The following BRINP3 variants were observed in gnomAD, a reference collection of about 807,000 sequenced individuals.
BRINP3 encodes the protein BMP/retinoic acid inducible neural specific 3.
Under a neutral mutation model 71.0 loss-of-function variants are expected in BRINP3, and 19 were observed. That is an observed-to-expected ratio of 0.27 (90% CI 0.19 to 0.39). The LOEUF is 0.39. Ranked by LOEUF, BRINP3 falls within the 10% of genes least tolerant of loss-of-function variation. The pLI, the probability that BRINP3 is intolerant of heterozygous loss-of-function variation, is 1.00. For missense variants in BRINP3, 959 were observed against 940.8 expected (o/e 1.02, Z -0.25); for synonymous variants, 380 against 337.7 (o/e 1.13, Z -1.37).
intron 1 of BRINP3, among the ~76,000 whole-genome samples, chr1:190,456,489 G>C (rs536055695): frequency 1.1e-4 from 17 of 152,022 alleles, no homozygotes; most frequent in Non-Finnish European, 2.4e-4. Context: ...GGAGATTCTA[G>C]GCTTTTTTCT....
chr1:190,434,562 A>C (rs894614912), intron 2 of BRINP3, among the ~76,000 whole-genome samples: 4 of 151,992 alleles, frequency 2.6e-5, no homozygotes, highest in African/African-American at 9.7e-5. Flanking sequence ...ATTACACTAT[A>C]GACATTAAAG....
intron 7 of BRINP3, among the ~76,000 whole-genome samples, chr1:190,149,414 A>G (rs1656187479): frequency 6.6e-6 from 1 of 152,164 alleles, no homozygotes; most frequent in Non-Finnish European, 1.5e-5. Context: ...TTGCATATTG[A>G]TGAATGATTT....
intron 2 of BRINP3, among the ~76,000 whole-genome samples, chr1:190,405,892 T>A (rs1026957386): frequency 3.3e-5 from 5 of 152,184 alleles, no homozygotes; most frequent in Non-Finnish European, 7.4e-5. Context: ...GTCAGCCACA[T>A]CAATGTGTTA....
intron 2 of BRINP3, among the ~76,000 whole-genome samples, chr1:190,426,021 T>C (rs1364128525): frequency 2.0e-5 from 3 of 151,848 alleles, no homozygotes; most frequent in Admixed American, 1.3e-4. Context: ...AGTTCTGCAA[T>C]TATATTTTGA....
chr1:190,129,032 T>G (rs1350647083), intron 7 of BRINP3, among the ~76,000 whole-genome samples: 1 of 151,838 alleles, frequency 6.6e-6, no homozygotes, highest in East Asian at 1.9e-4. Flanking sequence ...AAGTCTACCA[T>G]GTATATACAC....
At chr1:190,418,818 C>G (rs1673172048) in intron 2 of BRINP3, among the ~76,000 whole-genome samples, 1 of 151,908 alleles carries the variant, frequency 6.6e-6, no homozygotes, top group African/African-American at 2.4e-5. Flanking sequence ...CATAACCCAG[C>G]TATAATTTAA....
chr1:190,109,664 A>C (rs1192897681), intron 7 of BRINP3, among the ~76,000 whole-genome samples: 1 of 152,250 alleles, frequency 6.6e-6, no homozygotes, highest in Non-Finnish European at 1.5e-5. Flanking sequence ...GACACCTTCT[A>C]GTCCAATGAG....
chr1:190,151,918 G>C (rs563518776), intron 7 of BRINP3, among the ~76,000 whole-genome samples: 2 of 152,242 alleles, frequency 1.3e-5, no homozygotes, highest in East Asian at 1.9e-4. Context: ...TGATCTCCAA[G>C]CACATACTTG....
At chr1:190,367,993 A>G (rs1428115405) in intron 2 of BRINP3, among the ~76,000 whole-genome samples, 1 of 151,786 alleles carries the variant, frequency 6.6e-6, no homozygotes, top group African/African-American at 2.4e-5. Flanking sequence ...AACTGTTTCA[A>G]CCTCTGCCTG....
At chr1:190,256,133 C>T (rs1050635235) in intron 4 of BRINP3, among the ~76,000 whole-genome samples, 1 of 152,078 alleles carries the variant, frequency 6.6e-6, no homozygotes, top group Non-Finnish European at 1.5e-5. Context: ...GTCTGAGAGA[C>T]AGTTTGTTGT....
intron 6 of BRINP3, among the ~76,000 whole-genome samples, chr1:190,216,289 T>C (rs1656411461): frequency 6.6e-6 from 1 of 151,714 alleles, no homozygotes; most frequent in Admixed American, 6.6e-5. Flanking sequence ...TAAATTGGTT[T>C]TTATGTGGTT....
At chr1:190,460,990 A>G (rs1310071024) in intron 1 of BRINP3, among the ~76,000 whole-genome samples, 2 of 152,170 alleles carry the variant, frequency 1.3e-5, no homozygotes, top group African/African-American at 4.8e-5. Context: ...TAGCTTCATG[A>G]CTAGTTTTCC....
intron 2 of BRINP3, among the ~76,000 whole-genome samples, chr1:190,414,548 C>G (rs1672892114): frequency 6.6e-6 from 1 of 152,158 alleles, no homozygotes; most frequent in Non-Finnish European, 1.5e-5. Flanking sequence ...CATGGTTTCA[C>G]TAACAAGGGC....
chr1:190,108,854 A>G (rs1461644450), intron 7 of BRINP3, among the ~76,000 whole-genome samples: 1 of 151,998 alleles, frequency 6.6e-6, no homozygotes, highest in Non-Finnish European at 1.5e-5. Context: ...CAAATCAAAT[A>G]GGTGTTCAAA....
chr1:190,428,939 C>T (rs1673906156), intron 2 of BRINP3, among the ~76,000 whole-genome samples: 1 of 151,912 alleles, frequency 6.6e-6, no homozygotes, highest in South Asian at 2.1e-4. Flanking sequence ...GCTTAAAGGC[C>T]TTAGGTTTAA....
rs144723544 is a variant in BRINP3 at position 190,182,019 on chromosome 1, G to A, written c.962-21129C>T. ...CATTTTCTATTAGCACTTGAAAAAT[G>A]TCACTTCCTTCTCATCCTCATAGTA... On this transcript the variant is annotated intron_variant, in intron 6 of 7. Transcript: ENST00000367462. 4.3e-3 allele frequency among the ~76,000 whole-genome samples: 653 copies of A among 152,020 alleles called. 2 individuals are homozygous for A. The highest frequency in any genetic ancestry group is 0.015 in the African/African-American group (625 of 41,516).
At chr1:190,222,414 C>T (rs906669819) in intron 6 of BRINP3, among the ~76,000 whole-genome samples, 2 of 151,518 alleles carry the variant, frequency 1.3e-5, no homozygotes, top group African/African-American at 2.4e-5. Flanking sequence ...CTATATCAAG[C>T]GGGATGTTTA....
At chr1:190,184,510 A>G (rs1352690186) in intron 6 of BRINP3, among the ~76,000 whole-genome samples, 2 of 152,200 alleles carry the variant, frequency 1.3e-5, no homozygotes, top group African/African-American at 2.4e-5. Context: ...GATTAGATAA[A>G]TAAAATGTGG....
intron 2 of BRINP3, among the ~76,000 whole-genome samples, chr1:190,350,910 T>C (rs1668343851): frequency 1.3e-5 from 2 of 151,346 alleles, no homozygotes; most frequent in Middle Eastern, 3.2e-3. Context: ...GCAACCTCCG[T>C]CTCCCATGTT....
Sources: allele counts gnomAD v4.1 joint callset (sites outside exome capture counted in the v4.1 genomes callset), GRCh38; gene constraint gnomAD v4.1.1; transcripts MANE v1.5; gene names NCBI Gene and HGNC (gene_info 2026-07-23, HGNC 2026-07-21).